DENND1A: variants seen among roughly 807,000 people sequenced by gnomAD.
DENND1A encodes DENN domain-containing protein 1A.
In DENND1A, 51 loss-of-function variants were observed where a neutral mutation model predicts 113.7. The ratio of observed to expected loss-of-function variants is 0.45; its 90% CI spans 0.36 to 0.57. DENND1A has a LOEUF of 0.57. DENND1A is among the 20% of genes least tolerant of loss of function. The probability of loss-of-function intolerance (pLI) is 0.00; values close to 1 mark genes in which losing one functional copy is unlikely to be tolerated. For synonymous variants in DENND1A, 565 were observed against 570.8 expected (o/e 0.99, Z 0.14); for missense variants, 1,258 against 1,395.9 (o/e 0.90, Z 1.57).
chr9:123,695,648 T>C (rs1049060083), intron 5 of DENND1A, among the ~76,000 whole-genome samples: 5 of 152,168 alleles, frequency 3.3e-5, no homozygotes, highest in Non-Finnish European at 7.3e-5. Context: ...AGGAGCTCAG[T>C]GTCTAGTGGG....
chr9:123,510,922 T>C (rs1284417010), intron 13 of DENND1A, among the ~76,000 whole-genome samples: 3 of 152,132 alleles, frequency 2.0e-5, no homozygotes, highest in African/African-American at 7.2e-5. Context: ...CATGGGAGGA[T>C]GTTGTAGGGG....
intron 13 of DENND1A, among the ~76,000 whole-genome samples, chr9:123,467,043 G>A (rs1426357062): frequency 1.3e-5 from 2 of 151,992 alleles, no homozygotes; most frequent in African/African-American, 2.4e-5. Context: ...AGAGCAAGAC[G>A]TCTCAGGAAA....
At chr9:123,718,809 T>C (rs141032027) in intron 5 of DENND1A, among the ~76,000 whole-genome samples, 3 of 152,212 alleles carry the variant, frequency 2.0e-5, no homozygotes, top group African/African-American at 7.2e-5. Flanking sequence ...ACACCCAGAG[T>C]GTCCACAACT....
intron 5 of DENND1A, among the ~76,000 whole-genome samples, chr9:123,725,923 G>C (rs1238415870): frequency 6.6e-6 from 1 of 152,090 alleles, no homozygotes; most frequent in African/African-American, 2.4e-5. Flanking sequence ...AACAACAAAA[G>C]AAAAACACGT....
chr9:123,445,991 C>T lies in DENND1A; in HGVS notation c.1356+4702G>A, dbSNP rs1011337417. Among the ~76,000 whole-genome samples, 4 of 152,230 alleles carry T rather than the reference C, an allele frequency of 2.6e-5. No homozygotes were observed. In the South Asian group the frequency reaches 6.2e-4, roughly 24 times the overall value. On this transcript the variant is annotated intron_variant, in intron 18 of 23. Coordinates refer to ENST00000394215, the MANE Select transcript of DENND1A (RefSeq NM_001352964.2). ...AACGATCCAGCAAAAACCTGTATTTCCCCTAGTTTACAGATGAGAAAAACT... is the reference window on the plus strand; with the variant it reads ...AACGATCCAGCAAAAACCTGTATTTTCCCTAGTTTACAGATGAGAAAAACT...
At chr9:123,612,410 G>A (rs1360304430) in intron 10 of DENND1A, among the ~76,000 whole-genome samples, 1 of 152,050 alleles carries the variant, frequency 6.6e-6, no homozygotes, top group Non-Finnish European at 1.5e-5. Flanking sequence ...AGAAATGTTT[G>A]GGGAGAAAAA....
At chr9:123,560,625 G>A (rs1288639041) in intron 12 of DENND1A, among the ~76,000 whole-genome samples, 1 of 151,598 alleles carries the variant, frequency 6.6e-6, no homozygotes, top group Non-Finnish European at 1.5e-5. Context: ...AGGAGTTTGA[G>A]GTTGCAATGA....
chr9:123,887,683 G>C (rs1169705524), intron 1 of DENND1A, among the ~76,000 whole-genome samples: 2 of 151,794 alleles, frequency 1.3e-5, no homozygotes, highest in East Asian at 2.0e-4. Flanking sequence ...GTCCAAGCAG[G>C]GCAGTGGGGC....
chr9:123,552,172 T>C (rs2057125992), intron 13 of DENND1A, among the ~76,000 whole-genome samples: 1 of 151,826 alleles, frequency 6.6e-6, no homozygotes, highest in Admixed American at 6.6e-5. Context: ...AGGCCAGAGC[T>C]CGACCCCTCC....
intron 2 of DENND1A, among the ~76,000 whole-genome samples, chr9:123,802,453 T>G (rs1834832763): frequency 8.5e-3 from 1 of 118 alleles, no homozygotes; most frequent in South Asian, 0.12. Flanking sequence ...TTCCTCATCC[T>G]TGACTCTTGG....
chr9:123,855,866 C>T (rs1005550710), intron 2 of DENND1A, among the ~76,000 whole-genome samples: 14 of 151,968 alleles, frequency 9.2e-5, no homozygotes, highest in African/African-American at 3.4e-4. Context: ...GGAGAAACCC[C>T]ACCTCTGCTA....
At chr9:123,401,811 C>T in intron 21 of DENND1A, 1 of 1,614,182 alleles carries the variant, frequency 6.2e-7, no homozygotes, top group Non-Finnish European at 8.5e-7. Context: ...CGGCGTAAGT[C>T]AATGTGATGA....
rs552149604 is a variant in DENND1A at position 123,408,787 on chromosome 9, A to G, written c.1542+2989T>C. Among the ~76,000 whole-genome samples the G allele has an allele frequency of 3.1e-3, 470 of 152,130 alleles. 1 individual carries two copies. Among genetic ancestry groups the G allele is most frequent in the Non-Finnish European group, 5.3e-3 (362 of 67,972 alleles). ...CAGTTGCCAATGGATGTGGCAGCCC[A>G]CCCCGCAATCTGCACAGATCCCCAC... On this transcript the variant is annotated intron_variant, in intron 20 of 23. Transcript: ENST00000394215.
At chr9:123,858,814 G>A (rs540747821) in intron 2 of DENND1A, among the ~76,000 whole-genome samples, 1 of 152,222 alleles carries the variant, frequency 6.6e-6, no homozygotes, top group Admixed American at 6.5e-5. Context: ...TAAACAATTT[G>A]AAATGACTTA....
intron 5 of DENND1A, chr9:123,751,913 C>T (rs1307702672): frequency 1.3e-5 from 2 of 152,170 alleles, no homozygotes; most frequent in African/African-American, 4.8e-5. Context: ...TTTGAAGAAC[C>T]TTACACATAA....
chr9:123,652,293 A>G, intron 8 of DENND1A, 170 bp from the exon 9 acceptor site: 1 of 577,834 alleles, frequency 1.7e-6, no homozygotes, highest in Non-Finnish European at 3.0e-6. Flanking sequence ...AAAATCATGA[A>G]GGGTAAAGTT....
At chr9:123,453,261 G>C (rs1349100160) in intron 16 of DENND1A, among the ~76,000 whole-genome samples, 1 of 152,206 alleles carries the variant, frequency 6.6e-6, no homozygotes, top group African/African-American at 2.4e-5. Flanking sequence ...ATGGCTGTGT[G>C]CACAGGGAGC....
chr9:123,602,165 C>G (rs985903083), intron 11 of DENND1A, among the ~76,000 whole-genome samples: 1 of 152,158 alleles, frequency 6.6e-6, no homozygotes, highest in Non-Finnish European at 1.5e-5. Context: ...TCTCTGATAC[C>G]AAAGGGTATA....
intron 5 of DENND1A, among the ~76,000 whole-genome samples, chr9:123,732,032 G>GA (rs2068214284): frequency 6.6e-6 from 1 of 152,154 alleles, no homozygotes; most frequent in Non-Finnish European, 1.5e-5. Flanking sequence ...TACACACATA[G>GA]AATAGCTAAA....
Sources: allele counts gnomAD v4.1 joint callset (sites outside exome capture counted in the v4.1 genomes callset), GRCh38; gene constraint gnomAD v4.1.1; transcripts MANE v1.5; gene names NCBI Gene and HGNC (gene_info 2026-07-23, HGNC 2026-07-21).